The following SELENON variants were observed in gnomAD, a reference collection of about 807,000 sequenced individuals.
SELENON encodes selenoprotein N.
Under a neutral mutation model 59.5 loss-of-function variants are expected in SELENON, and 44 were observed. The ratio of observed to expected loss-of-function variants is 0.74; its 90% confidence interval spans 0.58 to 0.95. The LOEUF is 0.95. Ranked by LOEUF, SELENON falls within the 40% of genes least tolerant of loss-of-function variation. SELENON has a pLI of 0.00. For synonymous variants in SELENON, 320 were observed against 305.6 expected (o/e 1.05, Z -0.49); for missense variants, 674 against 721.4 (o/e 0.93, Z 0.75).
chr1:25,800,416 C>A lies in SELENON; in HGVS notation c.183+3C>A. 1 of 1,097,404 alleles carries A rather than the reference C, an allele frequency of 9.1e-7. No homozygotes were observed. The highest frequency in any genetic ancestry group is 4.4e-5 in the South Asian group (1 of 22,872). 68.0% of individuals were successfully genotyped at this position (1,097,404 alleles called of 1,614,324 possible). A position where few individuals can be genotyped will look rare whatever the true frequency, so the allele number is the denominator to read the frequency against. ...AGGCCCAGGCGGCCGCGCGGCAGGT[C>A]CGGGCCCGAGCTGGCTGGGGCGGGA... On this transcript the variant is annotated splice_donor_region_variant and intron_variant, in intron 1 of 12. Coordinates refer to ENST00000361547, the MANE Select transcript of SELENON (RefSeq NM_020451.3).
intron 3 of SELENON, among the ~76,000 whole-genome samples, chr1:25,802,375 G>A (rs573034348): frequency 6.6e-6 from 1 of 152,208 alleles, no homozygotes; most frequent in South Asian, 2.1e-4. Context: ...TGTTGTTGTT[G>A]AGATGGAGTC....
intron 4 of SELENON, among the ~76,000 whole-genome samples, chr1:25,805,973 A>G (rs907963773): frequency 1.3e-5 from 2 of 152,050 alleles, no homozygotes; most frequent in Admixed American, 6.5e-5. Flanking sequence ...CTCTGTTCCA[A>G]CCACACCAGA....
chr1:25,811,711 C>T lies in SELENON; in HGVS notation c.1113C>T (p.Gly371=), dbSNP rs747231254. ...CCCAGATGGAGCTGGAGGCCACGGG[C>T]CCCTCTGTGCCCTCCGTGATCCTGG... Residue 371 remains glycine (G), a synonymous_variant, in exon 9 of 13, where the codon GGC becomes GGT. Coordinates refer to ENST00000361547, the MANE Select transcript of SELENON (RefSeq NM_020451.3). 3.1e-6 allele frequency: 5 copies of T among 1,608,480 alleles called. No individual in the cohort carries two copies. Among genetic ancestry groups the T allele is most frequent in the East Asian group, 4.5e-5 (2 of 44,688 alleles).
chr1:25,810,593 T>C (rs1371408211), intron 7 of SELENON, among the ~76,000 whole-genome samples: 1 of 152,222 alleles, frequency 6.6e-6, no homozygotes, highest in Non-Finnish European at 1.5e-5. Flanking sequence ...TGTAGGCCTG[T>C]TTCCTCATCT....
rs945683594 is a variant in SELENON at position 25,809,099 on chromosome 1, C to G, written c.821C>G (p.Ala274Gly). ...AAGACCCGCTTTGCCCCTCAGGGAGCTGTGGCCTGCCTGACTGCCATCAGC... is the reference window on the plus strand; with the variant it reads ...AAGACCCGCTTTGCCCCTCAGGGAGGTGTGGCCTGCCTGACTGCCATCAGC... The change falls in exon 6 of 13, where the codon GCT becomes GGT. Residue 274 changes from alanine to glycine, a missense_variant. Physicochemically the swap from Ala to Gly is moderately conservative, Grantham distance 60. Coordinates refer to ENST00000361547, the MANE Select transcript of SELENON (RefSeq NM_020451.3). The G allele has an allele frequency of 6.2e-7, 1 of 1,613,682 alleles. No individual in the cohort carries two copies. The highest frequency in any genetic ancestry group is 8.5e-7 in the Non-Finnish European group (1 of 1,180,022).
In SELENON at chr1:25,801,135, C is replaced by T. The variant is rs756673739; in HGVS notation, c.276C>T (p.Phe92=). ...ATATGTACATCAGCCCTGAGGAGTT[C>T]AAACCCATTGCTGAGAAGCTAACAG... Residue 92 remains phenylalanine (F), a synonymous_variant, in exon 2 of 13, where the codon TTC becomes TTT. Coordinates refer to ENST00000361547, the MANE Select transcript of SELENON (RefSeq NM_020451.3). The T allele has an allele frequency of 6.2e-7, 1 of 1,614,024 alleles. No individual in the cohort carries two copies. Among genetic ancestry groups the T allele is most frequent in the South Asian group, 1.1e-5 (1 of 91,072 alleles).
At chr1:25,806,906 C>T (rs956241379) in intron 4 of SELENON, among the ~76,000 whole-genome samples, 4 of 150,494 alleles carry the variant, frequency 2.7e-5, no homozygotes, top group African/African-American at 4.9e-5. Flanking sequence ...ACTGCAAGCT[C>T]CGCCTCCCGG....
chr1:25,813,136 G>A (rs546145347), intron 10 of SELENON, among the ~76,000 whole-genome samples: 12 of 152,292 alleles, frequency 7.9e-5, no homozygotes, highest in East Asian at 1.9e-4. Context: ...TGAAAGTGCC[G>A]CATACACTGT....
At chr1:25,806,407 C>T (rs145910231) in intron 4 of SELENON, among the ~76,000 whole-genome samples, 9 of 152,260 alleles carry the variant, frequency 5.9e-5, no homozygotes, top group African/African-American at 2.2e-4. Flanking sequence ...AAGTGGGAGG[C>T]AAGAAGACCA....
rs558961402 is a variant in SELENON, at chr1:25,801,638, C to T, written c.302-378C>T. Among the ~76,000 whole-genome samples the T allele has an allele frequency of 5.9e-5, 9 of 152,082 alleles. No individual in the cohort carries two copies. In the East Asian group the frequency reaches 7.7e-4, roughly 13 times the overall value. On this transcript the variant is annotated intron_variant, in intron 2 of 12. Transcript: ENST00000361547. ...TCACACCACTGCACTCCAGCCTGGG[C>T]GACAGAGTGAGACCCTGTCTCAAAA...
At chr1:25,808,825 G>A (rs748441288) in intron 5 of SELENON, 36 bp downstream of exon 4, 14 of 1,610,212 alleles carry the variant, frequency 8.7e-6, no homozygotes, top group Admixed American at 1.7e-5. Flanking sequence ...GGGCCCCTCC[G>A]CCCGAGCCCA....
intron 1 of SELENON, 26 bp downstream of exon 1, chr1:25,800,439 G>T: frequency 9.2e-7 from 1 of 1,082,794 alleles, no homozygotes; most frequent in South Asian, 4.5e-5. Context: ...GGCTGGGGCG[G>T]GAGCGCGGGA....
At chr1:25,815,467 G>C (rs2048002246) in intron 12 of SELENON, 81 bp from the exon 12 acceptor site, 1 of 1,228,350 alleles carries the variant, frequency 8.1e-7, no homozygotes, top group South Asian at 1.2e-5. Context: ...TAGCATCCCT[G>C]CTTCTCCCCA....
chr1:25,808,578 A>G lies in SELENON; in HGVS notation c.538-2A>G. 6.2e-7 allele frequency: 1 copy of G among 1,613,210 alleles called. No homozygotes were observed. The stretch of plus-strand genomic sequence containing the variant: ...CTGGAGCTTTGCTTTCCCCCGCCCC[A>G]GGTCTCCCGCCTCGCCCTGTCCGGC... On this transcript the variant is annotated splice_acceptor_variant, in intron 4 of 12. Transcript: ENST00000361547. LOFTEE classifies it high-confidence loss of function.
chr1:25,812,906 C>A, intron 10 of SELENON, 114 bp downstream of exon 9: 1 of 767,170 alleles, frequency 1.3e-6, no homozygotes, highest in Non-Finnish European at 2.2e-6. Flanking sequence ...GCCTCAGGGA[C>A]TGCCCATGGT....
chr1:25,813,538 G>A (rs1365471763), intron 10 of SELENON: 1 of 389,792 alleles, frequency 2.6e-6, no homozygotes, highest in Non-Finnish European at 5.0e-6. Context: ...TGAAGGATGA[G>A]TAGGAGTTTC....
rs571898267 is a variant in SELENON, at chr1:25,816,495, C to T, written c.*777C>T. The T allele has an allele frequency of 7.2e-5, 11 of 152,756 alleles. No homozygotes were observed. The highest frequency in any genetic ancestry group is 5.2e-4 in the Admixed American group (8 of 15,314). The allele number at this position is 152,756 out of a possible 1,614,324, so 9.5% of individuals were successfully genotyped here. ...AGGGTCTCTGCAGGACTGCGGGAGC[C>T]AGCGCTCCTGCCGCCCCTCTTGCCC... On this transcript the variant is annotated 3_prime_UTR_variant, in exon 13 of 13. Transcript: ENST00000361547.
At chr1:25,805,494 A>G (rs1389620786) in intron 4 of SELENON, among the ~76,000 whole-genome samples, 1 of 151,994 alleles carries the variant, frequency 6.6e-6, no homozygotes, top group Non-Finnish European at 1.5e-5. Flanking sequence ...GGAATCTGGG[A>G]TAGCTTCCTA....
intron 5 of SELENON, 62 bp downstream of exon 4, chr1:25,808,851 C>T (rs904782784): frequency 6.3e-7 from 1 of 1,592,348 alleles, no homozygotes; most frequent in African/African-American, 1.3e-5. Context: ...GGCCACCCCT[C>T]TGTCTGCGCC....
Sources: gnomAD v4.1 joint callset for allele counts (sites outside exome capture counted in the v4.1 genomes callset) on GRCh38, gnomAD v4.1.1 for gene constraint, MANE v1.5 for transcripts, NCBI Gene and HGNC (gene_info 2026-07-23, HGNC 2026-07-21) for gene names.